UGT1A4: variants seen among roughly 807,000 people sequenced by gnomAD.
The protein encoded by UGT1A4 is UDP-glucuronosyltransferase 1A4.
A neutral mutation model predicts 41.1 loss-of-function variants in UGT1A4; 32 were observed. The ratio of observed to expected loss-of-function variants is 0.78; its 90% CI spans 0.59 to 1.05. The LOEUF is 1.05. Among genes scored for constraint, UGT1A4 ranks in the 50% least tolerant of loss-of-function variants. The pLI is 0.00. For synonymous variants in UGT1A4, 283 were observed against 265.1 expected (o/e 1.07, Z -0.66); for missense variants, 748 against 677.4 (o/e 1.10, Z -1.16).
At chr2:233,770,661 TAAAAA>T (rs112650156) in intron 4 of UGT1A4, 1 of 137,296 alleles carries the variant, frequency 7.3e-6, no homozygotes, top group Non-Finnish European at 1.6e-5. Flanking sequence ...CCGTCTTACT[TAAAAA>T]AAAAAAAAAG....
intron 4 of UGT1A4, 146 bp downstream of exon 4, chr2:233,768,585 T>C (rs35500060): frequency 1.2e-4 from 36 of 308,386 alleles, no homozygotes; most frequent in Middle Eastern, 1.5e-3. Context: ...ATTTCTTCTT[T>C]TTTTTTTTTT....
At chr2:233,740,742 A>T (rs1322255847) in intron 1 of UGT1A4, 3 of 151,738 alleles carry the variant, frequency 2.0e-5, no homozygotes, top group African/African-American at 4.9e-5. Context: ...GCCCCCTTTT[A>T]CACTCTGAAA....
At chr2:233,755,745 G>A (rs1342193963) in intron 1 of UGT1A4, 2 of 152,826 alleles carry the variant, frequency 1.3e-5, no homozygotes, top group Non-Finnish European at 2.9e-5. Context: ...TTCCAGCCCC[G>A]GTGCCCATTT....
chr2:233,718,838 G>A lies in UGT1A4; in HGVS notation c.18G>A (p.Gln6=), dbSNP rs529035115. 1.2e-6 allele frequency: 2 copies of A among 1,613,656 alleles called. No homozygotes were observed. Among genetic ancestry groups the A allele is most frequent in the East Asian group, 2.2e-5 (1 of 44,888 alleles). The change falls in exon 1 of 5, where the codon CAG becomes CAA. Residue 6 remains glutamine, a synonymous_variant. Coordinates refer to ENST00000373409, the MANE Select transcript of UGT1A4 (RefSeq NM_007120.3). ...CTGCTGAGATGGCCAGAGGACTCCA[G>A]GTTCCCCTGCCGCGGCTGGCCACAG... MARGL[Q]VPLPRLATGL...
At chr2:233,763,911 C>G (rs1698426001) in intron 1 of UGT1A4, among the ~76,000 whole-genome samples, 2 of 152,076 alleles carry the variant, frequency 1.3e-5, no homozygotes, top group Admixed American at 1.3e-4. Context: ...TAGTGAGGAC[C>G]AAGGCTTCGA....
intron 1 of UGT1A4, among the ~76,000 whole-genome samples, chr2:233,745,836 TTTC>T (rs746165208): frequency 1.3e-4 from 19 of 151,248 alleles, no homozygotes; most frequent in Admixed American, 7.2e-4. Flanking sequence ...GACTCTGAAT[TTTC>T]TTCTGTGCCC....
In UGT1A4 at chr2:233,772,554, C is replaced by T. The variant is rs768200668; in HGVS notation, c.1600C>T (p.His534Tyr). 6.2e-7 allele frequency: 1 copy of T among 1,613,984 alleles called. No homozygotes were observed. The highest frequency in any genetic ancestry group is 1.1e-5 in the South Asian group (1 of 91,072). ...TAAGAAAGCCCACAAATCCAAGACC[C>T]ATTGAGAAGTGGGTGGGAAATAAGG... Reference protein sequence around the residue: ...RVKKAHKSKTH With the variant: ...RVKKAHKSKTY The change falls in exon 5 of 5, where the codon CAT (histidine) becomes TAT (tyrosine). Residue 534 changes from histidine (H) to tyrosine (Y), a missense_variant. Physicochemically the swap from His to Tyr is moderately conservative, Grantham distance 83. Coordinates refer to ENST00000373409, the MANE Select transcript of UGT1A4 (RefSeq NM_007120.3).
intron 1 of UGT1A4, 59 bp from the exon 2 acceptor site, chr2:233,766,975 T>C (rs1262639275): frequency 2.5e-6 from 4 of 1,612,148 alleles, no homozygotes; most frequent in Non-Finnish European, 2.5e-6. Context: ...TAACTTACTG[T>C]ATGTAGTCAT....
rs774409308 is a variant in UGT1A4, at chr2:233,719,538, CAG to C, written c.725_726del (p.Glu242GlyfsTer50). 13 of 1,613,912 alleles carry C rather than the reference CAG, an allele frequency of 8.1e-6. No individual in the cohort carries two copies. In the South Asian group the frequency reaches 9.9e-5, roughly 12 times the overall value. ...TGCAAGTCTTGCCTCTGAGCTTTTT[CAG>C]AGAGAGGTGTCAGTGGTGGATCTTG... Reference protein sequence around the residue: ...PYASLASELFQREVSVVDLVS... With the variant: ...PYASLASELFXREVSVVDLVS... On this transcript the variant is annotated frameshift_variant, in exon 1 of 5. Coordinates refer to ENST00000373409, the MANE Select transcript of UGT1A4 (RefSeq NM_007120.3). LOFTEE classifies it high-confidence loss of function.
At chr2:233,754,276 G>C (rs906718442) in intron 1 of UGT1A4, 1 of 190,364 alleles carries the variant, frequency 5.3e-6, no homozygotes, top group Non-Finnish European at 1.1e-5. Context: ...AAAGTGCTGA[G>C]ATGAACATTC....
chr2:233,747,124 G>A, intron 1 of UGT1A4: 2 of 1,489,224 alleles, frequency 1.3e-6, no homozygotes, highest in Non-Finnish European at 1.8e-6. Flanking sequence ...TTTGCTAAGT[G>A]GCTCAGTGAC....
Position 233,767,101 on chromosome 2 carries a change from T to C in UGT1A4, c.935T>C (p.Val312Ala). ...GIVVFSLGSM[V>A]SEIPEKKAMA... ...GTGGTTTTCTCTTTGGGATCAATGG[T>C]CTCAGAAATTCCAGAGAAGAAAGCT... Residue 312 changes from valine to alanine, a missense_variant, in exon 2 of 5, where the codon GTC (valine) becomes GCC (alanine). Val to Ala is a moderately conservative substitution (Grantham distance 64). Coordinates refer to ENST00000373409, the MANE Select transcript of UGT1A4 (RefSeq NM_007120.3). The C allele has an allele frequency of 6.2e-7, 1 of 1,614,160 alleles. No individual in the cohort carries two copies. The highest frequency in any genetic ancestry group is 8.5e-7 in the Non-Finnish European group (1 of 1,180,020).
intron 1 of UGT1A4, chr2:233,747,355 T>C: frequency 1.2e-6 from 2 of 1,603,184 alleles, no homozygotes; most frequent in East Asian, 2.2e-5. Context: ...CGGGAGGCCG[T>C]GCGGGAGCTC....
intron 1 of UGT1A4, among the ~76,000 whole-genome samples, chr2:233,727,224 G>A (rs1324084133): frequency 6.6e-6 from 1 of 152,098 alleles, no homozygotes; most frequent in Admixed American, 6.5e-5. Flanking sequence ...TTCCACATAT[G>A]CGGATGGCTC....
intron 1 of UGT1A4, chr2:233,747,578 G>A: frequency 6.3e-7 from 1 of 1,584,344 alleles, no homozygotes; most frequent in Non-Finnish European, 8.7e-7. Flanking sequence ...ATTCATCTTT[G>A]GTCTTTCATA....
At chr2:233,739,139 T>G (rs539919985) in intron 1 of UGT1A4, 1 of 152,378 alleles carries the variant, frequency 6.6e-6, no homozygotes, top group African/African-American at 2.4e-5. Flanking sequence ...AATTTAGGTT[T>G]GGGAACCTCC....
At chr2:233,733,900 C>G (rs1176536983) in intron 1 of UGT1A4, among the ~76,000 whole-genome samples, 1 of 151,704 alleles carries the variant, frequency 6.6e-6, no homozygotes, top group Non-Finnish European at 1.5e-5. Context: ...CTGTTTGTAC[C>G]TCTCTGGTAG....
intron 1 of UGT1A4, chr2:233,743,889 C>T: frequency 7.3e-7 from 1 of 1,366,986 alleles, no homozygotes; most frequent in Non-Finnish European, 9.8e-7. Context: ...TGCCGGGGCA[C>T]GTCCAGCACC....
At chr2:233,750,498 C>T (rs1361187436) in intron 1 of UGT1A4, 1 of 151,938 alleles carries the variant, frequency 6.6e-6, no homozygotes, top group Non-Finnish European at 1.5e-5. Flanking sequence ...TAAGGAGGAG[C>T]CAAATGTTAA....
Sources: gnomAD v4.1 joint callset for allele counts (sites outside exome capture counted in the v4.1 genomes callset) on GRCh38, gnomAD v4.1.1 for gene constraint, MANE v1.5 for transcripts, NCBI Gene and HGNC (gene_info 2026-07-23, HGNC 2026-07-21) for gene names.